The following EYS variants were observed in gnomAD, a reference collection of about 807,000 sequenced individuals.
EYS encodes the protein protein eyes shut homolog.
A neutral mutation model predicts 282.1 loss-of-function variants in EYS; 250 were observed. That is an observed-to-expected ratio of 0.89 (90% CI 0.80 to 0.98). The LOEUF is 0.98. EYS is among the 50% of genes least tolerant of loss of function. The pLI is 0.00. For missense variants in EYS, 4,016 were observed against 3,709.0 expected, an observed-to-expected ratio of 1.08 and a Z score of -2.15; for synonymous variants, 1,355 against 1,282.9, an observed-to-expected ratio of 1.06 and a Z score of -1.20.
intron 9 of EYS, among the ~76,000 whole-genome samples, chr6:65,348,239 G>C (rs1333859081): frequency 6.6e-6 from 1 of 151,632 alleles, no homozygotes; most frequent in African/African-American, 2.4e-5. Context: ...TTTCATTTGA[G>C]TATATACCTA....
chr6:65,187,974 A>C (rs192634391), intron 12 of EYS, among the ~76,000 whole-genome samples: 1 of 151,692 alleles, frequency 6.6e-6, no homozygotes, highest in Non-Finnish European at 1.5e-5. Flanking sequence ...TTCTTAAGAC[A>C]TTAGAGTAGC....
At chr6:64,312,193 G>A (rs1769740090) in intron 29 of EYS, among the ~76,000 whole-genome samples, 1 of 151,950 alleles carries the variant, frequency 6.6e-6, no homozygotes, top group Non-Finnish European at 1.5e-5. Flanking sequence ...GCTTGGTGGG[G>A]GGAGGGGCTT....
intron 31 of EYS, among the ~76,000 whole-genome samples, chr6:64,083,452 T>G (rs1201700237): frequency 6.6e-6 from 1 of 152,170 alleles, no homozygotes; most frequent in Non-Finnish European, 1.5e-5. Flanking sequence ...GGGGCAGAAG[T>G]AACCTGGTTT....
In EYS at chr6:65,686,937, T is replaced by C. The variant is rs1769040211; in HGVS notation, c.-448+20198A>G. Among the ~76,000 whole-genome samples, 3 of 152,164 alleles carry C rather than the reference T, an allele frequency of 2.0e-5. 1 individual carries two copies. In the South Asian group the frequency reaches 6.2e-4, roughly 32 times the overall value. ...AAAGGGAGCTTTTTTTTTAATGTTA[T>C]AGGCTATTTAAATCGATTTTATTAG... On this transcript the variant is annotated intron_variant, in intron 1 of 42. Coordinates refer to ENST00000503581, the MANE Select transcript of EYS (RefSeq NM_001142800.2).
At chr6:63,726,749 A>T in intron 41 of EYS, 69 bp from the exon 42 acceptor site, 1 of 1,325,668 alleles carries the variant, frequency 7.5e-7, no homozygotes, top group Non-Finnish European at 1.0e-6. Context: ...TCATAAATAC[A>T]ATAAACTGCT....
At chr6:65,103,251 A>G (rs985966577) in intron 12 of EYS, among the ~76,000 whole-genome samples, 1 of 151,504 alleles carries the variant, frequency 6.6e-6, no homozygotes, top group Non-Finnish European at 1.5e-5. Flanking sequence ...TAGAATGATC[A>G]GAGGTGTTAA....
At chr6:64,444,769 A>G (rs1469079218) in intron 26 of EYS, among the ~76,000 whole-genome samples, 1 of 152,214 alleles carries the variant, frequency 6.6e-6, no homozygotes, top group Non-Finnish European at 1.5e-5. Flanking sequence ...CTGATCATTC[A>G]TGAATGGCTT....
intron 22 of EYS, among the ~76,000 whole-genome samples, chr6:64,686,777 A>ATGTG (rs1402404502): frequency 9.4e-5 from 2 of 21,338 alleles, no homozygotes; most frequent in African/African-American, 9.5e-5. Context: ...GTATATATAT[A>ATGTG]TATATATATA....
chr6:65,607,569 T>C (rs1054821618), intron 2 of EYS, among the ~76,000 whole-genome samples: 3 of 151,990 alleles, frequency 2.0e-5, no homozygotes, highest in African/African-American at 7.2e-5. Flanking sequence ...TTTTGAAAAA[T>C]AAATACTTTT....
intron 12 of EYS, among the ~76,000 whole-genome samples, chr6:65,231,117 A>T (rs996093557): frequency 2.3e-5 from 3 of 128,838 alleles, no homozygotes; most frequent in Admixed American, 1.6e-4. Flanking sequence ...ATATGTATTT[A>T]TATATATATA....
chr6:64,483,213 T>A (rs569538232), intron 26 of EYS, among the ~76,000 whole-genome samples: 3 of 151,718 alleles, frequency 2.0e-5, no homozygotes, highest in African/African-American at 7.2e-5. Flanking sequence ...TAAATAGGCA[T>A]AACCATGTTC....
chr6:64,406,359 C>G (rs1773707738), intron 28 of EYS, among the ~76,000 whole-genome samples: 1 of 152,064 alleles, frequency 6.6e-6, no homozygotes, highest in Non-Finnish European at 1.5e-5. Context: ...TATAAAAACC[C>G]TAGAGGAAAA....
chr6:64,981,154 T>C (rs1562285502), intron 14 of EYS, among the ~76,000 whole-genome samples: 1 of 151,408 alleles, frequency 6.6e-6, no homozygotes, highest in Admixed American at 6.6e-5. Context: ...CCAGGCAATA[T>C]ACTGGGTTTT....
At chr6:64,155,791 G>C (rs561198238) in intron 31 of EYS, among the ~76,000 whole-genome samples, 4 of 151,976 alleles carry the variant, frequency 2.6e-5, no homozygotes, top group African/African-American at 9.7e-5. Context: ...TTAAAATATT[G>C]CATTGTATTA....
chr6:64,947,857 C>T (rs1253494180), intron 14 of EYS, among the ~76,000 whole-genome samples: 4 of 151,622 alleles, frequency 2.6e-5, no homozygotes, highest in Middle Eastern at 6.8e-3. Flanking sequence ...CATGCCCATT[C>T]GTTATGTTCT....
At chr6:63,728,482 A>G (rs187418550) in intron 41 of EYS, among the ~76,000 whole-genome samples, 1 of 152,200 alleles carries the variant, frequency 6.6e-6, no homozygotes, top group African/African-American at 2.4e-5. Context: ...TAGGGTTTCC[A>G]TATACCCCTT....
intron 26 of EYS, among the ~76,000 whole-genome samples, chr6:64,458,982 T>C (rs1775655088): frequency 6.6e-6 from 1 of 152,212 alleles, no homozygotes; most frequent in South Asian, 2.1e-4. Context: ...AGACATCCAG[T>C]GTGGTTCCTT....
intron 22 of EYS, among the ~76,000 whole-genome samples, chr6:64,766,679 T>C (rs1475530412): frequency 9.2e-6 from 1 of 108,658 alleles, no homozygotes; most frequent in Non-Finnish European, 1.9e-5. Flanking sequence ...TATATATATA[T>C]ATATAAAATC....
chr6:64,439,241 A>G lies in EYS; in HGVS notation c.5756T>C (p.Leu1919Pro). 6.6e-7 allele frequency: 1 copy of G among 1,510,752 alleles called. No individual in the cohort carries two copies. The highest frequency in any genetic ancestry group is 8.9e-7 in the Non-Finnish European group (1 of 1,129,826). The allele number at this position is 1,510,752 out of a possible 1,614,324, so 93.6% of individuals were successfully genotyped here. A position where few individuals can be genotyped will look rare whatever the true frequency, so the allele number is the denominator to read the frequency against. Residue 1919 changes from leucine to proline, a missense_variant, in exon 27 of 43, where the codon CTT becomes CCT. Coordinates refer to ENST00000503581, the MANE Select transcript of EYS (RefSeq NM_001142800.2). ...LEFQTFSSYG[L>P]LLYVKQDSNL... ...TGAGTCTTGCTTGACATACAGCAGAAGTCCATAGGAGCTGAAGGTCTGAAA... is the reference window on the plus strand; with the variant it reads ...TGAGTCTTGCTTGACATACAGCAGAGGTCCATAGGAGCTGAAGGTCTGAAA...
Sources: allele counts gnomAD v4.1 joint callset (sites outside exome capture counted in the v4.1 genomes callset), GRCh38; gene constraint gnomAD v4.1.1; transcripts MANE v1.5; gene names NCBI Gene and HGNC (gene_info 2026-07-23, HGNC 2026-07-21).